Variants in DLG2 observed in about 807,000 individuals in gnomAD.
DLG2 encodes disks large homolog 2.
In DLG2, 45 loss-of-function variants were observed where a neutral mutation model predicts 132.5. The ratio of observed to expected loss-of-function variants is 0.34; its 90% CI spans 0.27 to 0.44. The LOEUF (loss-of-function observed/expected upper bound fraction) is 0.44. Among genes scored for constraint, DLG2 ranks in the 20% least tolerant of loss-of-function variants. The probability of loss-of-function intolerance (pLI) is 1.00; values close to 1 mark genes in which losing one functional copy is unlikely to be tolerated. For synonymous variants in DLG2, 424 were observed against 419.6 expected (o/e 1.01, Z -0.13); for missense variants, 1,045 against 1,196.9 (o/e 0.87, Z 1.87).
At chr11:83,654,794 G>T (rs1040599298) in intron 18 of DLG2, among the ~76,000 whole-genome samples, 2 of 152,196 alleles carry the variant, frequency 1.3e-5, no homozygotes, top group Admixed American at 6.5e-5. Flanking sequence ...GCCGAATGAG[G>T]TTACAGCATG....
At chr11:84,817,509 G>C (rs572892019) in intron 6 of DLG2, among the ~76,000 whole-genome samples, 14 of 151,992 alleles carry the variant, frequency 9.2e-5, no homozygotes, top group East Asian at 7.8e-4. Context: ...AGATTTAGGG[G>C]GTTGTTTTAG....
chr11:84,285,220 C>T (rs903903977), intron 7 of DLG2, among the ~76,000 whole-genome samples: 6 of 152,022 alleles, frequency 3.9e-5, no homozygotes, highest in African/African-American at 1.4e-4. Context: ...CTCCTTCTTC[C>T]CTCCTCAAAT....
intron 6 of DLG2, among the ~76,000 whole-genome samples, chr11:84,825,045 C>A (rs942326978): frequency 6.6e-6 from 1 of 151,852 alleles, no homozygotes; most frequent in African/African-American, 2.4e-5. Flanking sequence ...CTACTTATTA[C>A]CATTAACTCA....
chr11:85,499,859 C>T (rs931136241), intron 3 of DLG2, among the ~76,000 whole-genome samples: 34 of 152,144 alleles, frequency 2.2e-4, no homozygotes, highest in Non-Finnish European at 1.8e-4. Flanking sequence ...ATGATTATCT[C>T]CATAGATGCA....
chr11:85,614,312 A>G (rs2081198489), intron 2 of DLG2, among the ~76,000 whole-genome samples: 1 of 150,680 alleles, frequency 6.6e-6, no homozygotes, highest in Admixed American at 6.6e-5. Context: ...TTAGTCTTGA[A>G]CCAGGTTTTT....
chr11:83,520,591 GTAGA>G (rs1271464959), intron 21 of DLG2, among the ~76,000 whole-genome samples: 20 of 151,784 alleles, frequency 1.3e-4, no homozygotes, highest in South Asian at 6.3e-4. Context: ...AGGTAGGCAG[GTAGA>G]TAGATAGAAA....
chr11:83,504,385 A>G (rs184586774), intron 21 of DLG2, among the ~76,000 whole-genome samples: 1 of 152,278 alleles, frequency 6.6e-6, no homozygotes, highest in East Asian at 1.9e-4. Flanking sequence ...CAGTAATACT[A>G]AGAGACACCC....
intron 12 of DLG2, among the ~76,000 whole-genome samples, chr11:83,974,849 C>T (rs182313545): frequency 6.6e-6 from 1 of 152,012 alleles, no homozygotes; most frequent in Non-Finnish European, 1.5e-5. Context: ...TCTTTCCGCT[C>T]GACTTCAATG....
chr11:85,507,559 A>G (rs992611509), intron 3 of DLG2, among the ~76,000 whole-genome samples: 5 of 152,194 alleles, frequency 3.3e-5, no homozygotes, highest in Admixed American at 6.5e-5. Flanking sequence ...TATGGCTTGC[A>G]GAGTTTCTGC....
chr11:85,245,150 C>T (rs2076071504), intron 4 of DLG2, among the ~76,000 whole-genome samples: 1 of 151,874 alleles, frequency 6.6e-6, no homozygotes, highest in Admixed American at 6.6e-5. Context: ...GAAAATAGGA[C>T]ATCAAGAAGG....
At chr11:84,423,515 G>A (rs1014599956) in intron 7 of DLG2, among the ~76,000 whole-genome samples, 2 of 152,116 alleles carry the variant, frequency 1.3e-5, no homozygotes, top group African/African-American at 4.8e-5. Flanking sequence ...TAATGGAAAT[G>A]TATAAAATCC....
chr11:83,493,462 G>A lies in DLG2; in HGVS notation c.2194-9234C>T, dbSNP rs540804148. Reference sequence around the variant, plus strand: ...TTTGTTTATTTTCTGTTTTCCCCATGGAAATGTAAACTCCCTGAAAATAAG... The same window carrying A: ...TTTGTTTATTTTCTGTTTTCCCCATAGAAATGTAAACTCCCTGAAAATAAG... On this transcript the variant is annotated intron_variant, in intron 21 of 27. Transcript: ENST00000376104. Among the ~76,000 whole-genome samples, 3 of 150,144 alleles carry A rather than the reference G, an allele frequency of 2.0e-5. No individual in the cohort carries two copies. In the East Asian group the frequency reaches 5.9e-4, roughly 30 times the overall value.
chr11:84,444,438 G>C (rs2099026888), intron 7 of DLG2, among the ~76,000 whole-genome samples: 1 of 151,924 alleles, frequency 6.6e-6, no homozygotes, highest in Non-Finnish European at 1.5e-5. Flanking sequence ...TGGAAGGTAG[G>C]AATCTATATT....
At chr11:84,842,027 T>A (rs535750666) in intron 6 of DLG2, among the ~76,000 whole-genome samples, 24 of 152,150 alleles carry the variant, frequency 1.6e-4, no homozygotes, top group Middle Eastern at 6.8e-3. Context: ...CCTTTATGGC[T>A]ATTTTTACTT....
intron 3 of DLG2, among the ~76,000 whole-genome samples, chr11:85,488,938 A>G (rs1403810176): frequency 1.3e-5 from 2 of 152,168 alleles, no homozygotes; most frequent in East Asian, 1.9e-4. Context: ...AATTAAACAC[A>G]CCAAAGAGGA....
At chr11:84,589,200 C>A (rs962678341) in intron 6 of DLG2, among the ~76,000 whole-genome samples, 8 of 152,066 alleles carry the variant, frequency 5.3e-5, no homozygotes, top group South Asian at 4.2e-4. Context: ...GCTGCAGGAG[C>A]TTGAGATGAA....
intron 3 of DLG2, among the ~76,000 whole-genome samples, chr11:85,355,805 T>G (rs1333272275): frequency 6.6e-6 from 1 of 152,214 alleles, no homozygotes; most frequent in Admixed American, 6.5e-5. Context: ...GTGGCCCTGT[T>G]TGCTATCCAA....
chr11:85,182,864 T>C (rs2079813057), intron 4 of DLG2, among the ~76,000 whole-genome samples: 2 of 148,008 alleles, frequency 1.4e-5, no homozygotes, highest in South Asian at 2.2e-4. Flanking sequence ...AACTAGATAA[T>C]GTGGGTTGAG....
chr11:84,750,458 T>C (rs1209949799), intron 6 of DLG2, among the ~76,000 whole-genome samples: 2 of 152,144 alleles, frequency 1.3e-5, no homozygotes, highest in African/African-American at 4.8e-5. Context: ...CCCGTACATG[T>C]TTTTCTATTG....
Sources: gnomAD v4.1 joint callset for allele counts (sites outside exome capture counted in the v4.1 genomes callset) on GRCh38, gnomAD v4.1.1 for gene constraint, MANE v1.5 for transcripts, NCBI Gene and HGNC (gene_info 2026-07-23, HGNC 2026-07-21) for gene names.